RGPD2: variants seen among roughly 807,000 people sequenced by gnomAD.
RGPD2 encodes the protein RANBP2 like and GRIP domain containing 2.
RGPD2 carries 2 observed loss-of-function variants against 36.0 expected under a neutral mutation model. The ratio of observed to expected loss-of-function variants is 0.06; its 90% CI spans 0.02 to 0.17. RGPD2 has a LOEUF of 0.17. Among genes scored for constraint, RGPD2 ranks in the 10% least tolerant of loss-of-function variants. The pLI, the probability that RGPD2 is intolerant of heterozygous loss-of-function variation, is 1.00. For synonymous variants in RGPD2, 19 were observed against 163.8 expected, an observed-to-expected ratio of 0.12 and a Z score of 6.75; for missense variants, 40 against 464.3, an observed-to-expected ratio of 0.09 and a Z score of 8.40.
chr2:87,966,590 A>AAAATT, the RGPD2 span, among the ~76,000 whole-genome samples: 16 of 151,906 alleles, frequency 1.1e-4, no homozygotes, highest in Non-Finnish European at 2.1e-4. Flanking sequence ...AAAATAAAAT[A>AAAATT]AAATGGAGAA....
At chr2:87,933,671 G>A in the RGPD2 span, among the ~76,000 whole-genome samples, 2 of 148,670 alleles carry the variant, frequency 1.3e-5, no homozygotes, top group East Asian at 4.0e-4. Context: ...GAAAGGTAGT[G>A]TTTAAGTTCT....
chr2:87,984,775 A>C, the RGPD2 span, among the ~76,000 whole-genome samples: 1 of 150,838 alleles, frequency 6.6e-6, no homozygotes, highest in African/African-American at 2.4e-5. Context: ...CTAAAAATAC[A>C]AAAAATTAGC....
At chr2:87,857,052 G>C in the RGPD2 span, among the ~76,000 whole-genome samples, 7 of 152,242 alleles carry the variant, frequency 4.6e-5, no homozygotes, top group South Asian at 1.4e-3. Flanking sequence ...AAGTCAAAGA[G>C]GATGGTCCAT....
the RGPD2 span, among the ~76,000 whole-genome samples, chr2:87,940,788 AC>A: frequency 2.0e-5 from 3 of 150,836 alleles, no homozygotes; most frequent in Non-Finnish European, 3.0e-5. Flanking sequence ...AATCAGTATT[AC>A]GAATATATAT....
At chr2:87,806,007 C>CA (rs1236802799) in intron 7 of RGPD2, among the ~76,000 whole-genome samples, 1 of 149,160 alleles carries the variant, frequency 6.7e-6, no homozygotes, top group African/African-American at 2.5e-5. Flanking sequence ...ATTAAAAATA[C>CA]AAAAAATTAG....
the RGPD2 span, among the ~76,000 whole-genome samples, chr2:87,921,632 T>C: frequency 6.6e-6 from 1 of 152,190 alleles, no homozygotes. Context: ...ATCCTGGCTG[T>C]CTATGCTGAA....
chr2:87,813,878 A>G (rs1574022604), intron 4 of RGPD2, among the ~76,000 whole-genome samples: 1 of 150,434 alleles, frequency 6.6e-6, no homozygotes, highest in Non-Finnish European at 1.5e-5. Context: ...ATGGATTTCA[A>G]TTCCAAAAAA....
the RGPD2 span, among the ~76,000 whole-genome samples, chr2:87,923,322 A>G: frequency 6.6e-6 from 1 of 152,116 alleles, no homozygotes; most frequent in Non-Finnish European, 1.5e-5. Context: ...CTTCACCCAT[A>G]GAAACATTTT....
the RGPD2 span, among the ~76,000 whole-genome samples, chr2:87,915,361 A>ATATATTG: frequency 4.4e-5 from 4 of 90,736 alleles, no homozygotes; most frequent in Non-Finnish European, 9.4e-5. Context: ...TATATATTAT[A>ATATATTG]TATATATGTA....
chr2:87,879,171 T>C, the RGPD2 span, among the ~76,000 whole-genome samples: 9 of 152,062 alleles, frequency 5.9e-5, no homozygotes, highest in Admixed American at 2.6e-4. Flanking sequence ...TCCTTGTGGG[T>C]ACATAGTAGG....
intron 6 of RGPD2, among the ~76,000 whole-genome samples, chr2:87,809,795 C>T (rs1686102281): frequency 6.6e-6 from 1 of 150,646 alleles, no homozygotes. Flanking sequence ...ACTCCATCCC[C>T]ATGGTCATCT....
intron 6 of RGPD2, among the ~76,000 whole-genome samples, chr2:87,807,377 A>G (rs1300490082): frequency 3.0e-5 from 4 of 133,986 alleles, no homozygotes; most frequent in African/African-American, 3.4e-5. Flanking sequence ...ACAGCGTTAA[A>G]TTGTTTTTTT....
chr2:87,929,564 C>T, the RGPD2 span, among the ~76,000 whole-genome samples: 2 of 150,072 alleles, frequency 1.3e-5, no homozygotes. Context: ...TTTTCAGTTC[C>T]ATATGAAATT....
the RGPD2 span, among the ~76,000 whole-genome samples, chr2:87,929,689 T>A: frequency 6.9e-6 from 1 of 144,376 alleles, no homozygotes; most frequent in Non-Finnish European, 1.5e-5. Context: ...TGATTCCTCC[T>A]ATCTATGAGC....
At chr2:87,824,868 C>CGCCGCCCGGCCAGGCCGAGGCCGAG (rs1558738749) in intron 1 of RGPD2, 2 of 138,860 alleles carry the variant, frequency 1.4e-5, no homozygotes, top group Non-Finnish European at 3.0e-5. Context: ...CCGAGGCCGC[C>CGCCGCCCGGCCAGGCCGAGGCCGAG]GCCGCCGCCG....
At chr2:87,913,210 G>A in the RGPD2 span, among the ~76,000 whole-genome samples, 356 of 151,980 alleles carry the variant, frequency 2.3e-3, 1 homozygote, top group African/African-American at 8.1e-3. Flanking sequence ...ATACTATGCA[G>A]CCATAAAAAA....
chr2:87,842,421 T>C, the RGPD2 span, among the ~76,000 whole-genome samples: 3 of 149,510 alleles, frequency 2.0e-5, no homozygotes, highest in African/African-American at 7.6e-5. Context: ...CAATAACAGA[T>C]AAACAGAGAG....
chr2:87,844,819 C>A, the RGPD2 span, among the ~76,000 whole-genome samples: 1 of 142,700 alleles, frequency 7.0e-6, no homozygotes, highest in Non-Finnish European at 1.5e-5. Flanking sequence ...CCTGTAATAT[C>A]TCATTTATAA....
the RGPD2 span, among the ~76,000 whole-genome samples, chr2:87,988,396 T>C: frequency 2.5e-5 from 2 of 79,032 alleles, no homozygotes; most frequent in African/African-American, 7.4e-5. Flanking sequence ...ATATTTATTT[T>C]AAAATTAAAA....
Sources: allele counts gnomAD v4.1 joint callset (sites outside exome capture counted in the v4.1 genomes callset), GRCh38; gene constraint gnomAD v4.1.1; transcripts MANE v1.5; gene names NCBI Gene and HGNC (gene_info 2026-07-23, HGNC 2026-07-21).